Variants in NEK10 observed in about 807,000 individuals in gnomAD.
NEK10 encodes the protein NIMA related kinase 10, also known as serine/threonine-protein kinase Nek10.
In NEK10, 122 loss-of-function variants were observed where a neutral mutation model predicts 159.8. The observed-to-expected ratio is 0.76, with a 90% confidence interval of 0.66 to 0.89. The LOEUF (loss-of-function observed/expected upper bound fraction) is 0.89. Among genes scored for constraint, NEK10 ranks in the 40% least tolerant of loss-of-function variants. NEK10 has a pLI of 0.00. For missense variants in NEK10, 1,342 were observed against 1,323.1 expected (o/e 1.01, Z -0.22); for synonymous variants, 466 against 457.1 (o/e 1.02, Z -0.25).
chr3:27,291,188 T>C (rs1467984674), intron 18 of NEK10, 74 bp downstream of exon 18: 3 of 1,363,868 alleles, frequency 2.2e-6, no homozygotes, highest in African/African-American at 1.5e-5. Context: ...TCTAATTCAA[T>C]TGAATATCGG....
chr3:27,296,683 T>C (rs1354176866), intron 14 of NEK10, among the ~76,000 whole-genome samples: 3 of 152,216 alleles, frequency 2.0e-5, no homozygotes, highest in African/African-American at 4.8e-5. Flanking sequence ...TTTATGTGTA[T>C]ATATACATAC....
At chr3:27,114,521 A>G (rs1258976536) in intron 35 of NEK10, among the ~76,000 whole-genome samples, 1 of 152,320 alleles carries the variant, frequency 6.6e-6, no homozygotes, top group East Asian at 1.9e-4. Context: ...CTTGTGACTC[A>G]TAAGAAAAAC....
rs1009521848 is a variant in NEK10 at position 27,358,781 on chromosome 3, T to C, written c.-37-5862A>G. 1.9e-4 allele frequency among the ~76,000 whole-genome samples: 29 copies of C among 152,232 alleles called. 1 individual carries two copies. The highest frequency in any genetic ancestry group is 2.4e-5 in the African/African-American group (1 of 41,462). On this transcript the variant is annotated intron_variant, in intron 1 of 35. Coordinates refer to ENST00000691995, the MANE Select transcript of NEK10 (RefSeq NM_001394966.1). ...TTACTAAATATAAAACAGAGTCATTTGAATCATTATGGTAAATCGCCCACA... is the reference window on the plus strand; with the variant it reads ...TTACTAAATATAAAACAGAGTCATTCGAATCATTATGGTAAATCGCCCACA...
At chr3:27,326,049 C>CT (rs1040519563) in intron 5 of NEK10, among the ~76,000 whole-genome samples, 8 of 152,288 alleles carry the variant, frequency 5.3e-5, no homozygotes, top group Middle Eastern at 3.4e-3. Context: ...CCAGGATGTA[C>CT]TATGGGTTCA....
intron 22 of NEK10, chr3:27,278,827 T>G: frequency 1.0e-6 from 1 of 985,374 alleles, no homozygotes; most frequent in Non-Finnish European, 1.2e-6. Context: ...AAGAGTCATT[T>G]TGTAATGTGA....
At chr3:27,210,282 G>A (rs1172823447) in intron 23 of NEK10, among the ~76,000 whole-genome samples, 1 of 152,046 alleles carries the variant, frequency 6.6e-6, no homozygotes, top group East Asian at 1.9e-4. Flanking sequence ...GGCACCATGA[G>A]GCATCACACG....
intron 23 of NEK10, among the ~76,000 whole-genome samples, chr3:27,211,103 T>A (rs1232582819): frequency 6.6e-6 from 1 of 152,216 alleles, no homozygotes; most frequent in Non-Finnish European, 1.5e-5. Context: ...GTTTCTTGTT[T>A]TTACTGCAAA....
intron 22 of NEK10, among the ~76,000 whole-genome samples, chr3:27,272,560 A>T (rs2041448291): frequency 6.6e-6 from 1 of 152,278 alleles, no homozygotes; most frequent in Middle Eastern, 3.4e-3. Context: ...CAATCTACCA[A>T]CACCTGCCTT....
At chr3:27,256,912 CTTTTTTTTTTTTTT>C (rs550014186) in intron 22 of NEK10, among the ~76,000 whole-genome samples, 2 of 125,120 alleles carry the variant, frequency 1.6e-5, no homozygotes, top group African/African-American at 6.2e-5. Flanking sequence ...TTTTTTCTCT[CTTTTTTTTTTTTTT>C]TTTTTTTGAG....
intron 23 of NEK10, among the ~76,000 whole-genome samples, chr3:27,228,931 C>T (rs1456815714): frequency 1.3e-5 from 2 of 152,112 alleles, no homozygotes; most frequent in Non-Finnish European, 2.9e-5. Context: ...AGAGCTCCCC[C>T]AGCCACCTTC....
chr3:27,174,534 TAATAAAAAC>T lies in NEK10; in HGVS notation c.2690-18_2690-10del, dbSNP rs1486449502. On this transcript the variant is annotated splice_polypyrimidine_tract_variant and intron_variant, in intron 27 of 35. Coordinates refer to ENST00000691995, the MANE Select transcript of NEK10 (RefSeq NM_001394966.1). ...TACCTCTGAATATGTATCTGCACATTAATAAAAACAATAAAAAAGCAAATGAGTCTTGAA... is the reference window on the plus strand; with the variant it reads ...TACCTCTGAATATGTATCTGCACATTAATAAAAAAGCAAATGAGTCTTGAA... 6.2e-7 allele frequency: 1 copy of T among 1,603,694 alleles called. No homozygotes were observed. Among genetic ancestry groups the T allele is most frequent in the Admixed American group, 1.8e-5 (1 of 56,156 alleles).
At chr3:27,278,695 T>G in intron 22 of NEK10, 1 of 984,288 alleles carries the variant, frequency 1.0e-6, no homozygotes, top group Non-Finnish European at 1.2e-6. Context: ...TTTCCTTTTT[T>G]ATTTGAAAGC....
chr3:27,174,530 A>G lies in NEK10; in HGVS notation c.2690-5T>C. On this transcript the variant is annotated splice_region_variant and splice_polypyrimidine_tract_variant and intron_variant, in intron 27 of 35. Coordinates refer to ENST00000691995, the MANE Select transcript of NEK10 (RefSeq NM_001394966.1). ...CATCTACCTCTGAATATGTATCTGC[A>G]CATTAATAAAAACAATAAAAAAGCA... The G allele has an allele frequency of 6.2e-7, 1 of 1,605,926 alleles. No homozygotes were observed.
chr3:27,209,480 C>T (rs1247741269), intron 23 of NEK10, among the ~76,000 whole-genome samples: 1 of 152,184 alleles, frequency 6.6e-6, no homozygotes, highest in Non-Finnish European at 1.5e-5. Context: ...CATTAACATG[C>T]CTTAACCACC....
At position 27,331,247 on chromosome 3, in the gene NEK10, AAAAC is replaced by A. The variant is rs1371241636; in HGVS notation, c.363-8990_363-8987del. Among the ~76,000 whole-genome samples, 784 of 127,668 alleles carry A rather than the reference AAAAC, an allele frequency of 6.1e-3. 20 individuals are homozygous for A. Among genetic ancestry groups the A allele is most frequent in the Middle Eastern group, 0.012 (3 of 258 alleles). The allele number at this position is 127,668 out of a possible 152,430, so 83.8% of individuals were successfully genotyped here. Reference sequence around the variant, plus strand: ...AGTAAGACTCTGTCTCAAAAAAAAAAAAACAAAAAAAAAAAACACACAAACCTAA... The same window carrying A: ...AGTAAGACTCTGTCTCAAAAAAAAAAAAAAAAAAAAAACACACAAACCTAA... On this transcript the variant is annotated intron_variant, in intron 5 of 35. Transcript: ENST00000691995.
chr3:27,334,837 G>A (rs1415257831), intron 5 of NEK10, among the ~76,000 whole-genome samples: 1 of 151,988 alleles, frequency 6.6e-6, no homozygotes, highest in Non-Finnish European at 1.5e-5. Flanking sequence ...GAAAAAGAAA[G>A]GAAATATGAC....
intron 23 of NEK10, among the ~76,000 whole-genome samples, chr3:27,236,643 C>A (rs183378733): frequency 6.6e-6 from 1 of 152,116 alleles, no homozygotes; most frequent in African/African-American, 2.4e-5. Flanking sequence ...GCCGCAAAAC[C>A]AGCAGGTTTT....
In NEK10 at chr3:27,365,595, GT is replaced by G. The variant is rs368517231; in HGVS notation, c.-38+3629del. 2.4e-3 allele frequency among the ~76,000 whole-genome samples: 221 copies of G among 92,380 alleles called. 5 individuals carry two copies. The highest frequency in any genetic ancestry group is 5.4e-3 in the Middle Eastern group (1 of 186). 60.6% of individuals were successfully genotyped at this position (92,380 alleles called of 152,430 possible). ...TCCTGTTTTTTTGTTTTGGTTTTTTGTGTTTTTTTTTTGTGTTTTTTTTTTT... is the reference window on the plus strand; with the variant it reads ...TCCTGTTTTTTTGTTTTGGTTTTTTGGTTTTTTTTTTGTGTTTTTTTTTTT... On this transcript the variant is annotated intron_variant, in intron 1 of 35. Coordinates refer to ENST00000691995, the MANE Select transcript of NEK10 (RefSeq NM_001394966.1).
intron 22 of NEK10, among the ~76,000 whole-genome samples, chr3:27,259,938 C>T (rs919377652): frequency 6.6e-6 from 1 of 152,056 alleles, no homozygotes; most frequent in African/African-American, 2.4e-5. Context: ...CCTTCACATC[C>T]CTTGTAAGTT....
Sources: allele counts gnomAD v4.1 joint callset (sites outside exome capture counted in the v4.1 genomes callset), GRCh38; gene constraint gnomAD v4.1.1; transcripts MANE v1.5; gene names NCBI Gene and HGNC (gene_info 2026-07-23, HGNC 2026-07-21).